Variants in A2M observed in about 807,000 individuals in gnomAD.
A2M encodes C3 and PZP-like alpha-2-macroglobulin domain-containing protein 5.
A2M carries 128 observed loss-of-function variants against 183.9 expected under a neutral mutation model. The observed-to-expected ratio is 0.70, with a 90% CI of 0.60 to 0.81. The LOEUF is 0.81. Among genes scored for constraint, A2M ranks in the 30% least tolerant of loss-of-function variants. A2M has a pLI of 0.00. For missense variants in A2M, 1,495 were observed against 1,787.6 expected, an observed-to-expected ratio of 0.84 and a Z score of 2.95; for synonymous variants, 592 against 670.8, an observed-to-expected ratio of 0.88 and a Z score of 1.81.
chr12:9,113,670 T>C (rs1345261396), intron 1 of A2M, 127 bp from the exon 2 acceptor site: 2 of 986,000 alleles, frequency 2.0e-6, no homozygotes, highest in Non-Finnish European at 3.0e-6. Context: ...CTGATGAGCA[T>C]GAAATTTGGC....
At position 9,096,434 on chromosome 12, in the gene A2M, C is replaced by T. The variant is rs188965261; in HGVS notation, c.1852-734G>A. Among the ~76,000 whole-genome samples, 23 of 152,264 alleles carry T rather than the reference C, an allele frequency of 1.5e-4. No homozygotes were observed. The East Asian group carries it at 4.4e-3, about 29-fold the overall frequency. The stretch of plus-strand genomic sequence containing the variant: ...GGTGAGCAACTGACTCAGTATATAG[C>T]AAAGTTAATGGGTGCATGTTCTAAA... On this transcript the variant is annotated intron_variant, in intron 15 of 35. Transcript: ENST00000318602.
chr12:9,084,177 C>T (rs745733700), intron 22 of A2M, among the ~76,000 whole-genome samples: 7 of 152,114 alleles, frequency 4.6e-5, no homozygotes, highest in Admixed American at 2.0e-4. Context: ...GGCCTGCCTT[C>T]AGGAATTACT....
intron 22 of A2M, among the ~76,000 whole-genome samples, chr12:9,082,100 A>G (rs1020346824): frequency 2.0e-5 from 3 of 152,176 alleles, no homozygotes; most frequent in African/African-American, 7.2e-5. Flanking sequence ...TAGGGGTTAA[A>G]TATGCTTGAC....
In A2M at chr12:9,101,508, G is replaced by A; in HGVS notation, c.1433C>T (p.Ala478Val). The change falls in exon 12 of 36, where the codon GCA (alanine) becomes GTA (valine). Residue 478 changes from alanine to valine, a missense_variant. Physicochemically the swap from Ala to Val is moderately conservative, Grantham distance 64 (BLOSUM62 0). Coordinates refer to ENST00000318602, the MANE Select transcript of A2M (RefSeq NM_000014.6). ...LPCGHTQTVQ[A>V]HYILNGGTLL... ...GGTGCCTCCATTCAGAATATAATGT[G>A]CCTGGACTGTCTGAGTATGGCCACA... 1 of 1,613,922 alleles carries A rather than the reference G, an allele frequency of 6.2e-7. No individual in the cohort carries two copies. The highest frequency in any genetic ancestry group is 8.5e-7 in the Non-Finnish European group (1 of 1,179,872).
At chr12:9,112,779 A>T in intron 2 of A2M, 1 of 488,394 alleles carries the variant, frequency 2.0e-6, no homozygotes, top group Non-Finnish European at 3.7e-6. Flanking sequence ...ACCTTCATAC[A>T]GCTCACAGAA....
chr12:9,083,692 G>C (rs1375157644), intron 22 of A2M, among the ~76,000 whole-genome samples: 1 of 146,158 alleles, frequency 6.8e-6, no homozygotes, highest in African/African-American at 2.5e-5. Context: ...AAGTCCAGAA[G>C]AAGAAGAAAG....
intron 22 of A2M, among the ~76,000 whole-genome samples, chr12:9,087,734 C>A (rs1409756803): frequency 1.3e-5 from 2 of 152,046 alleles, no homozygotes; most frequent in African/African-American, 4.8e-5. Flanking sequence ...CATAACATCA[C>A]TTTGTATGCT....
rs1399555303 is a variant in A2M, at chr12:9,089,267, A to G, written c.2719-16T>C. 27 of 1,562,452 alleles carry G rather than the reference A, an allele frequency of 1.7e-5. No homozygotes were observed. Among genetic ancestry groups the G allele is most frequent in the South Asian group, 3.5e-5 (3 of 85,346 alleles). On this transcript the variant is annotated splice_polypyrimidine_tract_variant and intron_variant, in intron 21 of 35. Transcript: ENST00000318602. ...GTCCTTCAGGCTTTAGGTAAAAGAA[A>G]GAAAAGCTAGTGAGAATGGACTGAC...
intron 12 of A2M, 22 bp from the exon 13 acceptor site, chr12:9,101,229 G>T (rs1232666760): frequency 1.9e-6 from 3 of 1,551,674 alleles, no homozygotes; most frequent in Non-Finnish European, 1.7e-6. Context: ...GAAATAAAAA[G>T]AAATTAAATG....
chr12:9,099,924 G>C (rs1937688655), intron 13 of A2M, among the ~76,000 whole-genome samples: 1 of 152,208 alleles, frequency 6.6e-6, no homozygotes, highest in South Asian at 2.1e-4. Context: ...TTCTCCATAA[G>C]AGGAACACCA....
intron 22 of A2M, among the ~76,000 whole-genome samples, chr12:9,081,510 C>G (rs1261144931): frequency 6.6e-6 from 1 of 152,208 alleles, no homozygotes; most frequent in South Asian, 2.1e-4. Flanking sequence ...TAGCTGCTAT[C>G]CACAGATCAG....
At chr12:9,073,542 C>T (rs1948644355) in intron 29 of A2M, among the ~76,000 whole-genome samples, 1 of 152,086 alleles carries the variant, frequency 6.6e-6, no homozygotes, top group Non-Finnish European at 1.5e-5. Flanking sequence ...TAACCTTTAA[C>T]AAAATTACTT....
intron 14 of A2M, 98 bp from the exon 15 acceptor site, chr12:9,098,854 C>T (rs1436211387): frequency 1.4e-5 from 19 of 1,389,688 alleles, no homozygotes; most frequent in Non-Finnish European, 1.9e-5. Context: ...AATGTATAAC[C>T]ACTCTGCTTG....
At chr12:9,115,624 A>T in intron 1 of A2M, 140 bp downstream of exon 1, 1 of 664,622 alleles carries the variant, frequency 1.5e-6, no homozygotes, top group Non-Finnish European at 2.6e-6. Context: ...TGAGTAAACT[A>T]GATTTGTAAA....
At chr12:9,092,136 CAG>C (rs1275578426) in intron 18 of A2M, among the ~76,000 whole-genome samples, 2 of 152,172 alleles carry the variant, frequency 1.3e-5, no homozygotes, top group African/African-American at 4.8e-5. Flanking sequence ...AGGGAAACGA[CAG>C]ACTTACAGGA....
intron 15 of A2M, among the ~76,000 whole-genome samples, chr12:9,097,313 A>C (rs1949411941): frequency 6.6e-6 from 1 of 152,216 alleles, no homozygotes; most frequent in Non-Finnish European, 1.5e-5. Context: ...AGGAAAATAA[A>C]AATATAAATT....
At position 9,104,303 on chromosome 12, in the gene A2M, T is replaced by G. The variant is rs367610653; in HGVS notation, c.1202A>C (p.Glu401Ala). 7.7e-5 allele frequency: 125 copies of G among 1,613,088 alleles called. No homozygotes were observed. Among genetic ancestry groups the G allele is most frequent in the Admixed American group, 3.5e-4 (21 of 59,914 alleles). ...ANYYSNATTD[E>A]HGLVQFSINT... ...GATAGAGAACTGTACAAGGCCATGC[T>G]CATCCGTGGTAGCATTGGAGTAATA... The change falls in exon 11 of 36, where the codon GAG becomes GCG. Residue 401 changes from glutamate to alanine, a missense_variant. Coordinates refer to ENST00000318602, the MANE Select transcript of A2M (RefSeq NM_000014.6).
chr12:9,106,526 AG>A lies in A2M; in HGVS notation c.958del (p.Leu320PhefsTer16), dbSNP rs1347029572. On this transcript the variant is annotated frameshift_variant, in exon 9 of 36. Transcript: ENST00000318602. LOFTEE classifies it high-confidence loss of function. Reference protein sequence around the residue: ...QLKRKEYEMKLHTEAQIQEEG... With the variant: ...QLKRKEYEMKXHTEAQIQEEG... ...TTCTTGGATCTGGGCCTCAGTGTGA[AG>A]TTTCATTTCATACTCCTTCCTCTTC... The A allele has an allele frequency of 6.3e-7, 1 of 1,598,632 alleles. No homozygotes were observed. Among genetic ancestry groups the A allele is most frequent in the Admixed American group, 1.7e-5 (1 of 58,132 alleles).
intron 22 of A2M, among the ~76,000 whole-genome samples, chr12:9,084,476 T>A (rs1948997630): frequency 6.6e-6 from 1 of 152,134 alleles, no homozygotes; most frequent in Non-Finnish European, 1.5e-5. Flanking sequence ...CAAAGTTAAG[T>A]TGTTATCAGC....
Sources: allele counts gnomAD v4.1 joint callset (sites outside exome capture counted in the v4.1 genomes callset), GRCh38; gene constraint gnomAD v4.1.1; transcripts MANE v1.5; gene names NCBI Gene and HGNC (gene_info 2026-07-23, HGNC 2026-07-21).